The following PTPRD variants were observed in gnomAD, a reference collection of about 807,000 sequenced individuals.
The protein encoded by PTPRD is protein tyrosine phosphatase receptor type D.
Under a neutral mutation model 214.5 loss-of-function variants are expected in PTPRD, and 34 were observed. The observed-to-expected ratio is 0.16, with a 90% confidence interval of 0.12 to 0.21. The LOEUF is 0.21. PTPRD is among the 10% of genes least tolerant of loss of function. The pLI, the probability that PTPRD is intolerant of heterozygous loss-of-function variation, is 1.00. For synonymous variants in PTPRD, 1,128 were observed against 845.7 expected (o/e 1.33, Z -5.79); for missense variants, 2,545 against 2,398.7 (o/e 1.06, Z -1.27).
chr9:10,492,073 A>G (rs979080236), intron 2 of PTPRD, among the ~76,000 whole-genome samples: 1 of 152,168 alleles, frequency 6.6e-6, no homozygotes, highest in Non-Finnish European at 1.5e-5. Context: ...ATAGTATTCC[A>G]TCGTGTACAT....
chr9:8,532,226 T>G (rs2075877886), intron 14 of PTPRD, among the ~76,000 whole-genome samples: 1 of 152,100 alleles, frequency 6.6e-6, no homozygotes. Flanking sequence ...TGTTTCCAAT[T>G]TGACTGTCAG....
chr9:8,934,488 T>TATAA (rs1224747321), intron 11 of PTPRD, among the ~76,000 whole-genome samples: 7 of 21,838 alleles, frequency 3.2e-4, no homozygotes, highest in African/African-American at 1.3e-3. Flanking sequence ...AATATATATA[T>TATAA]ATATAAATAT....
chr9:9,229,553 G>A (rs955974748), intron 9 of PTPRD, among the ~76,000 whole-genome samples: 1 of 152,028 alleles, frequency 6.6e-6, no homozygotes, highest in Non-Finnish European at 1.5e-5. Flanking sequence ...CAAAAATGTT[G>A]AGAGAAAACT....
Position 9,845,159 on chromosome 9 carries a change from TAGAGCA to T in PTPRD, c.-367-78314_-367-78309del, listed in dbSNP as rs1205301143. On this transcript the variant is annotated intron_variant, in intron 5 of 45. Transcript: ENST00000381196. ...ATATATATATATATTGCTCTATATA[TAGAGCA>T]ATATATATATATATATTGCTCTATA... Among the ~76,000 whole-genome samples, 103 of 12,510 alleles carry T rather than the reference TAGAGCA, an allele frequency of 8.2e-3. 7 individuals are homozygous for T. Among genetic ancestry groups the T allele is most frequent in the African/African-American group, 0.019 (98 of 5,282 alleles). 8.2% of individuals were successfully genotyped at this position (12,510 alleles called of 152,430 possible).
At chr9:10,269,383 T>C (rs536635100) in intron 3 of PTPRD, among the ~76,000 whole-genome samples, 1 of 152,278 alleles carries the variant, frequency 6.6e-6, no homozygotes, top group African/African-American at 2.4e-5. Flanking sequence ...TTTTGTTTGT[T>C]TGTATGTATG....
chr9:10,114,712 C>G lies in PTPRD; in HGVS notation c.-544-80922G>C, dbSNP rs550641314. On this transcript the variant is annotated intron_variant, in intron 3 of 45. Transcript: ENST00000381196. ...TAAATTGTATAGCTTCCTTGTGAAT[C>G]TAAAGACACATGTAATATAGCTAAC... Among the ~76,000 whole-genome samples, 3 of 152,074 alleles carry G rather than the reference C, an allele frequency of 2.0e-5. No homozygotes were observed. In the South Asian group the frequency reaches 6.2e-4, roughly 32 times the overall value.
chr9:9,699,116 TA>T (rs1395489474), intron 7 of PTPRD, among the ~76,000 whole-genome samples: 2 of 152,130 alleles, frequency 1.3e-5, no homozygotes, highest in South Asian at 2.1e-4. Flanking sequence ...TCCAATTTTC[TA>T]AAAAAAGAAC....
rs1346775136 is a variant in PTPRD at position 9,918,229 on chromosome 9, AT to A, written c.-368+20277del. On this transcript the variant is annotated intron_variant, in intron 5 of 45. Transcript: ENST00000381196. ...GCAGAATATAAAAATCAATATGAAA[AT>A]TAAGTCACATTTCAATACAGGAAAA... Among the ~76,000 whole-genome samples the A allele has an allele frequency of 2.0e-5, 3 of 151,932 alleles. No homozygotes were observed. The East Asian group carries it at 5.8e-4, about 29-fold the overall frequency.
At chr9:10,375,708 A>C (rs1598425075) in intron 2 of PTPRD, among the ~76,000 whole-genome samples, 1 of 152,104 alleles carries the variant, frequency 6.6e-6, no homozygotes, top group Admixed American at 6.6e-5. Flanking sequence ...CCCTTTGAGG[A>C]GAAGAGTACT....
At chr9:8,436,833 T>A in intron 34 of PTPRD, 144 bp from the exon 35 acceptor site, 1 of 663,060 alleles carries the variant, frequency 1.5e-6, no homozygotes, top group Non-Finnish European at 2.6e-6. Context: ...AGCAGGCAAA[T>A]AGTTTGGTTA....
At chr9:10,527,959 A>G (rs929069657) in intron 2 of PTPRD, among the ~76,000 whole-genome samples, 1 of 152,162 alleles carries the variant, frequency 6.6e-6, no homozygotes, top group Non-Finnish European at 1.5e-5. Flanking sequence ...TAAATAATCC[A>G]TAGTAAATAT....
At chr9:8,701,999 AC>A (rs1221379918) in intron 12 of PTPRD, among the ~76,000 whole-genome samples, 4 of 152,212 alleles carry the variant, frequency 2.6e-5, no homozygotes, top group African/African-American at 9.7e-5. Context: ...ATTCATTTAT[AC>A]ATTTGGCTTT....
At chr9:8,517,270 T>C (rs1322691554) in intron 21 of PTPRD, among the ~76,000 whole-genome samples, 1 of 152,124 alleles carries the variant, frequency 6.6e-6, no homozygotes, top group South Asian at 2.1e-4. Flanking sequence ...CTGTAGCTCT[T>C]AGCAAAGTTA....
intron 9 of PTPRD, among the ~76,000 whole-genome samples, chr9:9,279,812 A>G (rs1332996343): frequency 2.6e-5 from 4 of 151,292 alleles, no homozygotes; most frequent in Non-Finnish European, 4.4e-5. Context: ...ATATGTGTTA[A>G]TGTCCAACTT....
rs889849605 is a variant in PTPRD, at chr9:9,186,544, G to A, written c.-202-3181C>T. Among the ~76,000 whole-genome samples the A allele has an allele frequency of 3.3e-5, 5 of 151,962 alleles. No homozygotes were observed. In the East Asian group the frequency reaches 7.8e-4, roughly 24 times the overall value. ...GAAGATCGATTGAGCTCCAGAGGTC[G>A]AGGGTGTAGTGAGCTGTAATGGTAC... On this transcript the variant is annotated intron_variant, in intron 9 of 45. Transcript: ENST00000381196.
rs1326068388 is a variant in PTPRD at position 8,331,888 on chromosome 9, T to TTTATCTGCTATAAA, written c.5380-166_5380-153dup. On this transcript the variant is annotated intron_variant, in intron 43 of 45. Coordinates refer to ENST00000381196, the MANE Select transcript of PTPRD (RefSeq NM_002839.4). ...TGTTTAAATAGAAACTTAGTTATGG[T>TTTATCTGCTATAAA]TTATCTGCTATAAATATTGTCCACA... The TTTATCTGCTATAAA allele has an allele frequency of 5.7e-6, 5 of 873,262 alleles. No individual in the cohort carries two copies. In the African/African-American group the frequency reaches 8.5e-5, roughly 15 times the overall value. The allele number at this position is 873,262 out of a possible 1,614,324, so 54.1% of individuals were successfully genotyped here.
intron 3 of PTPRD, among the ~76,000 whole-genome samples, chr9:10,167,424 A>T (rs1449499598): frequency 6.6e-6 from 1 of 152,174 alleles, no homozygotes; most frequent in East Asian, 1.9e-4. Flanking sequence ...ACTCAAAGAT[A>T]CTTGGATTCA....
At chr9:10,039,992 G>A (rs1173289619) in intron 3 of PTPRD, among the ~76,000 whole-genome samples, 2 of 151,956 alleles carry the variant, frequency 1.3e-5, no homozygotes, top group African/African-American at 4.8e-5. Flanking sequence ...TTTAGTTCAA[G>A]GGCATAGCAG....
At chr9:10,088,730 T>C (rs1405677216) in intron 3 of PTPRD, among the ~76,000 whole-genome samples, 1 of 151,792 alleles carries the variant, frequency 6.6e-6, no homozygotes, top group Non-Finnish European at 1.5e-5. Flanking sequence ...ATGTTTCCTA[T>C]CTACATCTTT....
Sources: gnomAD v4.1 joint callset for allele counts (sites outside exome capture counted in the v4.1 genomes callset) on GRCh38, gnomAD v4.1.1 for gene constraint, MANE v1.5 for transcripts, NCBI Gene and HGNC (gene_info 2026-07-23, HGNC 2026-07-21) for gene names.